The following SYNE1 variants were observed in gnomAD, a reference collection of about 807,000 sequenced individuals.
SYNE1 encodes the protein nesprin-1.
In SYNE1, 616 loss-of-function variants were observed where a neutral mutation model predicts 1,111.0. That is an observed-to-expected ratio of 0.55 (90% CI 0.52 to 0.59). The LOEUF is 0.59. SYNE1 is among the 20% of genes least tolerant of loss of function. The pLI, the probability that SYNE1 is intolerant of heterozygous loss-of-function variation, is 0.00. For synonymous variants in SYNE1, 3,855 were observed against 3,825.8 expected (o/e 1.01, Z -0.28); for missense variants, 10,006 against 10,417.0 (o/e 0.96, Z 1.72).
At chr6:152,621,164 A>G (rs983330962) in intron 3 of SYNE1, among the ~76,000 whole-genome samples, 1 of 152,190 alleles carries the variant, frequency 6.6e-6, no homozygotes, top group Admixed American at 6.6e-5. Context: ...CGAGCATGGA[A>G]AGTAGTAACA....
At chr6:152,543,927 A>G (rs1385515671) in intron 3 of SYNE1, among the ~76,000 whole-genome samples, 1 of 152,260 alleles carries the variant, frequency 6.6e-6, no homozygotes. Flanking sequence ...GGTTTGCACA[A>G]GTACACCCTA....
chr6:152,174,493 A>G (rs2153112497), intron 130 of SYNE1, among the ~76,000 whole-genome samples: 1 of 152,298 alleles, frequency 6.6e-6, no homozygotes, highest in East Asian at 1.9e-4. Flanking sequence ...GTTCTCCTTC[A>G]GTTCTGTCAT....
rs544950546 is a variant in SYNE1 at position 152,135,116 on chromosome 6, G to C, written c.25776C>G (p.His8592Gln). The C allele has an allele frequency of 1.9e-6, 3 of 1,614,140 alleles. No individual in the cohort carries two copies. In the African/African-American group the frequency reaches 4.0e-5, roughly 22 times the overall value. Reference sequence around the variant, plus strand: ...TCACACATCTTACCATAAGCTGTTTGTGATGGTCCTGAAGTATCTCTGCAT... The same window carrying C: ...TCACACATCTTACCATAAGCTGTTTCTGATGGTCCTGAAGTATCTCTGCAT... ...NLDAEILQDHHKQLMQIKHEL... is the reference protein window; with the variant it reads ...NLDAEILQDHQKQLMQIKHEL... The change falls in exon 142 of 146, where the codon CAC becomes CAG. Residue 8592 changes from histidine to glutamine, a missense_variant. By Grantham distance (24) the His-to-Gln change is conservative (BLOSUM62 0). Around this residue, in one of 7 missense-constraint regions of SYNE1, gnomAD observed 761 missense variants for 795.5 expected, o/e 0.96. Coordinates refer to ENST00000367255, the MANE Select transcript of SYNE1 (RefSeq NM_182961.4).
At chr6:152,332,804 C>A in intron 77 of SYNE1, among the ~76,000 whole-genome samples, 1 of 152,102 alleles carries the variant, frequency 6.6e-6, no homozygotes, top group Admixed American at 6.6e-5. Flanking sequence ...CTATGAAGCA[C>A]ACATAAAAAA....
chr6:152,155,744 C>A (rs540463397), intron 132 of SYNE1, among the ~76,000 whole-genome samples, 166 bp downstream of exon 132: 7 of 152,162 alleles, frequency 4.6e-5, no homozygotes, highest in Non-Finnish European at 7.3e-5. Context: ...TACCTTTATA[C>A]CTACTTATTT....
intron 95 of SYNE1, among the ~76,000 whole-genome samples, chr6:152,291,393 C>T (rs1049529837): frequency 3.3e-5 from 5 of 151,808 alleles, no homozygotes; most frequent in Non-Finnish European, 7.4e-5. Context: ...AGTACGACTA[C>T]TACCAACTTA....
chr6:152,448,079 G>C (rs1384536765), intron 28 of SYNE1, among the ~76,000 whole-genome samples: 2 of 152,064 alleles, frequency 1.3e-5, no homozygotes, highest in Non-Finnish European at 2.9e-5. Flanking sequence ...ATATTGTTAT[G>C]GATGCTCTAA....
At position 152,416,452 on chromosome 6, in the gene SYNE1, C is replaced by A. The variant is rs775150455; in HGVS notation, c.5985G>T (p.Glu1995Asp). Residue 1995 changes from glutamate (E) to aspartate (D), a missense_variant, in exon 41 of 146, where the codon GAG (glutamate) becomes GAT (aspartate). Transcript: ENST00000367255. Reference sequence around the variant, plus strand: ...CTTTGTCAGTCCTTTCTTCAATGTCCTCAATGCTTTTCAGAAGCTCCTCTT... The same window carrying A: ...CTTTGTCAGTCCTTTCTTCAATGTCATCAATGCTTTTCAGAAGCTCCTCTT... ...DQKEELLKSI[E>D]DIEERTDKER... The A allele has an allele frequency of 3.1e-6, 5 of 1,614,126 alleles. No homozygotes were observed. The highest frequency in any genetic ancestry group is 4.2e-6 in the Non-Finnish European group (5 of 1,180,032).
rs1220584620 is a variant in SYNE1 at position 152,399,691 on chromosome 6, TC to T, written c.7161del (p.Lys2388AsnfsTer5). ...SLGRAMTGLIKKHEAVSQLCS... is the reference protein window; with the variant it reads ...SLGRAMTGLIXKHEAVSQLCS... ...CACAACTGGCTCACGGCTTCATGTT[TC>T]TTTATCAGACCAGTCATTGCACGGC... On this transcript the variant is annotated frameshift_variant, in exon 48 of 146. Transcript: ENST00000367255. LOFTEE classifies it high-confidence loss of function. 5.0e-6 allele frequency: 8 copies of T among 1,614,050 alleles called. No individual in the cohort carries two copies. Among genetic ancestry groups the T allele is most frequent in the Non-Finnish European group, 6.8e-6 (8 of 1,180,032 alleles).
At chr6:152,262,332 T>C in intron 100 of SYNE1, 144 bp from the exon 101 acceptor site, 1 of 753,886 alleles carries the variant, frequency 1.3e-6, no homozygotes, top group Non-Finnish European at 2.2e-6. Flanking sequence ...ATAACAAAAA[T>C]GTTTAGGCCA....
intron 98 of SYNE1, among the ~76,000 whole-genome samples, chr6:152,271,884 C>T (rs148176816): frequency 1.8e-3 from 281 of 152,280 alleles, no homozygotes; most frequent in African/African-American, 6.5e-3. Context: ...CTTTTCTCTT[C>T]AGCAAAAATT....
At chr6:152,372,862 C>T (rs937376116) in intron 59 of SYNE1, among the ~76,000 whole-genome samples, 175 bp downstream of exon 59, 3 of 152,178 alleles carry the variant, frequency 2.0e-5, no homozygotes, top group Non-Finnish European at 4.4e-5. Flanking sequence ...CAGGGAGGCT[C>T]CCACTTCTAG....
chr6:152,181,508 T>G (rs1318171404), intron 128 of SYNE1, among the ~76,000 whole-genome samples: 1 of 152,158 alleles, frequency 6.6e-6, no homozygotes, highest in Non-Finnish European at 1.5e-5. Flanking sequence ...CTAATCTCCC[T>G]TCTGTCCCTG....
rs147125369 is a variant in SYNE1, at chr6:152,330,833, G to T, written c.13852C>A (p.Leu4618Ile). 221 of 1,613,956 alleles carry T rather than the reference G, an allele frequency of 1.4e-4. No homozygotes were observed. The highest frequency in any genetic ancestry group is 1.6e-4 in the Non-Finnish European group (185 of 1,180,032). Residue 4618 changes from leucine (L) to isoleucine (I), a missense_variant, in exon 78 of 146, where the codon CTT (leucine) becomes ATT (isoleucine). Transcript: ENST00000367255. ...ILEQSPEYEN[L>I]LLTLQRTGQT... ...CCAGTTCTCTGCAGCGTAAGTAGAA[G>T]ATTTTCATATTCTGGAGATTGTTCA...
chr6:152,415,916 A>C (rs1358014773), intron 41 of SYNE1, among the ~76,000 whole-genome samples: 1 of 152,108 alleles, frequency 6.6e-6, no homozygotes, highest in African/African-American at 2.4e-5. Context: ...GGTTAAGGAC[A>C]TGCCCGGAAG....
intron 127 of SYNE1, among the ~76,000 whole-genome samples, chr6:152,201,154 C>G (rs1054538362): frequency 1.3e-5 from 2 of 152,062 alleles, no homozygotes; most frequent in African/African-American, 2.4e-5. Context: ...TATTGCTCAG[C>G]AAAGAACTGC....
chr6:152,480,969 A>C (rs1298364332), intron 14 of SYNE1, among the ~76,000 whole-genome samples: 1 of 151,772 alleles, frequency 6.6e-6, no homozygotes, highest in East Asian at 1.9e-4. Context: ...TCTCTCTCTC[A>C]CTGTCTCTCA....
chr6:152,219,025 C>A lies in SYNE1; in HGVS notation c.22022G>T (p.Cys7341Phe). 6.2e-7 allele frequency: 1 copy of A among 1,614,056 alleles called. No individual in the cohort carries two copies. The highest frequency in any genetic ancestry group is 8.5e-7 in the Non-Finnish European group (1 of 1,180,006). Residue 7341 changes from cysteine (C) to phenylalanine (F), a missense_variant, in exon 120 of 146, where the codon TGC becomes TTC. Around this residue, in one of 7 missense-constraint regions of SYNE1, gnomAD observed 2,182 missense variants for 2,287.8 expected, o/e 0.95. Transcript: ENST00000367255. ...QHLCALEQAL[C>F]KQQTSLQAGV... ...TACCTGTAATGAAGTCTGCTGTTTG[C>A]AGAGAGCTTGCTCCAGGGCACACAA...
chr6:152,518,792 T>A (rs2099124822), intron 6 of SYNE1, among the ~76,000 whole-genome samples: 1 of 152,078 alleles, frequency 6.6e-6, no homozygotes, highest in Non-Finnish European at 1.5e-5. Flanking sequence ...TCTGAACTAA[T>A]GTTTTACCCA....
Sources: allele counts gnomAD v4.1 joint callset (sites outside exome capture counted in the v4.1 genomes callset), GRCh38; gene constraint gnomAD v4.1.1; regional missense constraint gnomAD v4.1.1; transcripts MANE v1.5; gene names NCBI Gene and HGNC (gene_info 2026-07-23, HGNC 2026-07-21).